EFCAB5: variants seen among roughly 807,000 people sequenced by gnomAD.
EFCAB5 encodes the protein EF-hand calcium-binding domain-containing protein 5.
EFCAB5 carries 131 observed loss-of-function variants against 167.9 expected under a neutral mutation model. The ratio of observed to expected loss-of-function variants is 0.78; its 90% CI spans 0.68 to 0.90. EFCAB5 has a LOEUF of 0.90. Among genes scored for constraint, EFCAB5 ranks in the 40% least tolerant of loss-of-function variants. The pLI is 0.00. For missense variants in EFCAB5, 1,663 were observed against 1,745.2 expected (o/e 0.95, Z 0.84); for synonymous variants, 574 against 602.8 (o/e 0.95, Z 0.70).
intron 22 of EFCAB5, among the ~76,000 whole-genome samples, chr17:30,101,151 T>TGA (rs745656843): frequency 2.0e-5 from 3 of 152,130 alleles, no homozygotes; most frequent in Admixed American, 6.5e-5. Flanking sequence ...CAACACCCAG[T>TGA]GAATTAGAGC....
intron 2 of EFCAB5, 102 bp from the exon 3 acceptor site, chr17:29,943,463 C>A: frequency 1.0e-6 from 1 of 991,342 alleles, no homozygotes; most frequent in South Asian, 1.7e-5. Context: ...GTTTGGTTAA[C>A]TCTTACAAAG....
At chr17:29,981,044 C>T (rs1053433534) in intron 4 of EFCAB5, among the ~76,000 whole-genome samples, 2 of 152,196 alleles carry the variant, frequency 1.3e-5, no homozygotes, top group African/African-American at 4.8e-5. Context: ...TTATCTCTTG[C>T]CTCCACTATT....
chr17:30,029,734 G>A (rs1057061549), intron 7 of EFCAB5, among the ~76,000 whole-genome samples: 2 of 152,142 alleles, frequency 1.3e-5, no homozygotes, highest in South Asian at 4.1e-4. Flanking sequence ...TACAAATACC[G>A]TTTGGAAGTT....
intron 10 of EFCAB5, among the ~76,000 whole-genome samples, chr17:30,055,382 A>T (rs1014270298): frequency 2.1e-5 from 3 of 143,286 alleles, no homozygotes; most frequent in Non-Finnish European, 3.1e-5. Flanking sequence ...GGAAGGAAGG[A>T]AGGTTCGTTC....
Position 29,999,920 on chromosome 17 carries a change from C to G in EFCAB5, c.988C>G (p.Gln330Glu). The G allele has an allele frequency of 6.3e-7, 1 of 1,583,890 alleles. No homozygotes were observed. The highest frequency in any genetic ancestry group is 8.6e-7 in the Non-Finnish European group (1 of 1,163,448). Residue 330 changes from glutamine (Q) to glutamate (E), a missense_variant, in exon 7 of 23, where the codon CAA (glutamine) becomes GAA (glutamate). Coordinates refer to ENST00000394835, the MANE Select transcript of EFCAB5 (RefSeq NM_198529.4). ...TCCATAAATAGGATCACACTGCAAA[C>G]AACTGGATATTACTGACTCAACAGA... ...PDFKLGSHCK[Q>E]LDITDSTEPR...
intron 8 of EFCAB5, among the ~76,000 whole-genome samples, chr17:30,044,276 T>C (rs2069856357): frequency 6.6e-6 from 1 of 152,100 alleles, no homozygotes. Context: ...CCTACTGGAA[T>C]GAATAAAATT....
rs564634929 is a variant in EFCAB5, at chr17:30,069,771, G to C, written c.2738-8444G>C. 887 of 669,662 alleles carry C rather than the reference G, an allele frequency of 1.3e-3. 3 individuals carry two copies. The highest frequency in any genetic ancestry group is 1.9e-3 in the Non-Finnish European group (738 of 391,380). 41.5% of individuals were successfully genotyped at this position (669,662 alleles called of 1,614,324 possible). A position where few individuals can be genotyped will look rare whatever the true frequency, so the allele number is the denominator to read the frequency against. On this transcript the variant is annotated intron_variant, in intron 14 of 22. Coordinates refer to ENST00000394835, the MANE Select transcript of EFCAB5 (RefSeq NM_198529.4). ...ACATTTTATCACAGAGCCATTTTAA[G>C]AGAAAGGGGTTCAGACAGACGGACA...
intron 22 of EFCAB5, among the ~76,000 whole-genome samples, chr17:30,107,220 T>G (rs1172633080): frequency 6.6e-6 from 1 of 152,240 alleles, no homozygotes; most frequent in Non-Finnish European, 1.5e-5. Flanking sequence ...TGGTGTGCAG[T>G]TACTATATAG....
At chr17:29,951,662 T>C (rs879119904) in intron 3 of EFCAB5, among the ~76,000 whole-genome samples, 5 of 152,096 alleles carry the variant, frequency 3.3e-5, no homozygotes, top group African/African-American at 1.2e-4. Flanking sequence ...GCCAGGATAT[T>C]GGTTTTTAAA....
intron 8 of EFCAB5, among the ~76,000 whole-genome samples, chr17:30,044,815 A>G (rs889450432): frequency 2.0e-5 from 3 of 152,206 alleles, no homozygotes; most frequent in Non-Finnish European, 2.9e-5. Flanking sequence ...AATGAAAGAA[A>G]TTACAACATA....
At chr17:30,015,759 C>CTTTTTTTTT (rs71138866) in intron 7 of EFCAB5, among the ~76,000 whole-genome samples, 3 of 130,568 alleles carry the variant, frequency 2.3e-5, no homozygotes, top group Non-Finnish European at 3.3e-5. Context: ...TTGGTTATTT[C>CTTTTTTTTT]TTTTTTTTTT....
At chr17:30,049,507 A>C (rs537684636) in intron 8 of EFCAB5, among the ~76,000 whole-genome samples, 1 of 146,324 alleles carries the variant, frequency 6.8e-6, no homozygotes, top group Non-Finnish European at 1.5e-5. Context: ...AAAAACAAAC[A>C]AAAAAAAAAC....
chr17:30,020,021 G>T (rs768894516), intron 7 of EFCAB5, among the ~76,000 whole-genome samples: 1 of 152,084 alleles, frequency 6.6e-6, no homozygotes, highest in African/African-American at 2.4e-5. Flanking sequence ...ATGTGAGATC[G>T]TGTTGTATTT....
At position 29,943,584 on chromosome 17, in the gene EFCAB5, A is replaced by C. The variant is rs546562871; in HGVS notation, c.125A>C (p.Asp42Ala). 1.3e-6 allele frequency: 2 copies of C among 1,583,396 alleles called. No individual in the cohort carries two copies. Among genetic ancestry groups the C allele is most frequent in the African/African-American group, 1.3e-5 (1 of 74,406 alleles). Residue 42 changes from aspartate to alanine, a missense_variant, in exon 3 of 23, where the codon GAC becomes GCC. By Grantham distance (126) the Asp-to-Ala change is moderately radical. Transcript: ENST00000394835. ...ELHETLQSVP[D>A]VPVKEDTNSV... ...TCAAAGACCTTACAGAGTGTGCCAGACGTTCCTGTAAAAGAGGACACCAAC... is the reference window on the plus strand; with the variant it reads ...TCAAAGACCTTACAGAGTGTGCCAGCCGTTCCTGTAAAAGAGGACACCAAC...
intron 4 of EFCAB5, among the ~76,000 whole-genome samples, chr17:29,976,468 A>C (rs1158455240): frequency 6.6e-6 from 1 of 152,202 alleles, no homozygotes; most frequent in Non-Finnish European, 1.5e-5. Context: ...TCAACAGATG[A>C]CAGTGTCAGG....
chr17:30,105,640 C>T (rs530783421), intron 22 of EFCAB5, among the ~76,000 whole-genome samples: 101 of 152,186 alleles, frequency 6.6e-4, no homozygotes, highest in African/African-American at 1.8e-3. Flanking sequence ...GATCTCATGA[C>T]CAGCATCTGT....
intron 22 of EFCAB5, among the ~76,000 whole-genome samples, chr17:30,095,788 C>T (rs534390783): frequency 1.3e-5 from 2 of 152,300 alleles, no homozygotes; most frequent in East Asian, 3.9e-4. Flanking sequence ...TTGTTCTGTC[C>T]TATTCATTTA....
intron 3 of EFCAB5, among the ~76,000 whole-genome samples, chr17:29,957,699 T>G (rs2067644993): frequency 6.6e-6 from 1 of 152,240 alleles, no homozygotes; most frequent in South Asian, 2.1e-4. Context: ...ATAGTATATA[T>G]GTACCACATT....
intron 7 of EFCAB5, among the ~76,000 whole-genome samples, chr17:30,018,030 G>C (rs962543543): frequency 1.3e-5 from 2 of 152,078 alleles, no homozygotes; most frequent in Non-Finnish European, 2.9e-5. Flanking sequence ...TATTTTCTGA[G>C]TTCTTATATA....
Sources: gnomAD v4.1 joint callset for allele counts (sites outside exome capture counted in the v4.1 genomes callset) on GRCh38, gnomAD v4.1.1 for gene constraint, MANE v1.5 for transcripts, NCBI Gene and HGNC (gene_info 2026-07-23, HGNC 2026-07-21) for gene names.